Variants in HDDC2 observed in about 807,000 individuals in gnomAD.
HDDC2 encodes the protein 5'-deoxynucleotidase HDDC2.
A neutral mutation model predicts 25.5 loss-of-function variants in HDDC2; 25 were observed. The ratio of observed to expected loss-of-function variants is 0.98; its 90% CI spans 0.72 to 1.37. The LOEUF (loss-of-function observed/expected upper bound fraction) is 1.37. Among genes scored for constraint, HDDC2 ranks in the 40% most tolerant of loss-of-function variants. HDDC2 has a pLI of 0.00. For missense variants in HDDC2, 264 were observed against 253.1 expected, an observed-to-expected ratio of 1.04 and a Z score of -0.29; for synonymous variants, 106 against 89.7, an observed-to-expected ratio of 1.18 and a Z score of -1.03.
At position 125,296,770 on chromosome 6, in the gene HDDC2, C is replaced by G. The variant is rs376341390; in HGVS notation, c.309+1944G>C. 1.7e-4 allele frequency among the ~76,000 whole-genome samples: 26 copies of G among 152,288 alleles called. No homozygotes were observed. In the East Asian group the frequency reaches 4.6e-3, roughly 27 times the overall value. On this transcript the variant is annotated intron_variant, in intron 3 of 5. Coordinates refer to ENST00000398153, the MANE Select transcript of HDDC2 (RefSeq NM_016063.3). The stretch of plus-strand genomic sequence containing the variant: ...TTCATCAAAGCCAGGATATAGCATC[C>G]TAGAAGGCAGCAGTATCCTCTCTGA...
At chr6:125,301,800 C>G (rs1298121808) in intron 1 of HDDC2, 49 bp downstream of exon 1, 1 of 1,411,920 alleles carries the variant, frequency 7.1e-7, no homozygotes, top group East Asian at 2.6e-5. Context: ...TCCGCCGCCC[C>G]ACAGTCCCGC....
At chr6:125,289,021 C>A (rs192670457) in intron 4 of HDDC2, among the ~76,000 whole-genome samples, 2,507 of 99,536 alleles carry the variant, frequency 0.025, 9 homozygotes, top group Middle Eastern at 0.044. Flanking sequence ...GCTATAAAGA[C>A]ACATGCACAC....
At chr6:125,301,482 G>GCACACACACGCGCACA (rs1412473241) in intron 1 of HDDC2, among the ~76,000 whole-genome samples, 2,115 of 120,372 alleles carry the variant, frequency 0.018, 81 homozygotes, top group African/African-American at 0.067. Flanking sequence ...GGGGTCGTGA[G>GCACACACACGCGCACA]CACACACACA....
intron 4 of HDDC2, among the ~76,000 whole-genome samples, chr6:125,285,379 A>G (rs1294874183): frequency 6.6e-6 from 1 of 152,214 alleles, no homozygotes; most frequent in Non-Finnish European, 1.5e-5. Flanking sequence ...TGTAAGATAA[A>G]AGGTTGTTTT....
At chr6:125,301,668 C>T (rs971280713) in intron 1 of HDDC2, among the ~76,000 whole-genome samples, 181 bp downstream of exon 1, 11 of 152,206 alleles carry the variant, frequency 7.2e-5, no homozygotes, top group Non-Finnish European at 4.4e-5. Flanking sequence ...CCGGCTGCTT[C>T]CTCCGTCCAC....
intron 4 of HDDC2, among the ~76,000 whole-genome samples, chr6:125,279,828 G>C (rs1308524703): frequency 6.6e-6 from 1 of 152,078 alleles, no homozygotes; most frequent in African/African-American, 2.4e-5. Context: ...CATCTCACAG[G>C]CAATTTGTGT....
rs542333174 is a variant in HDDC2 at position 125,283,176 on chromosome 6, A to G, written c.379-5936T>C. Among the ~76,000 whole-genome samples the G allele has an allele frequency of 1.4e-4, 22 of 152,348 alleles. No individual in the cohort carries two copies. The South Asian group carries it at 4.6e-3, about 32-fold the overall frequency. On this transcript the variant is annotated intron_variant, in intron 4 of 5. Transcript: ENST00000398153. ...TGATGGAACATATCTCAAAATAATAAGAGCTATTTATGACAAACCCACAGC... is the reference window on the plus strand; with the variant it reads ...TGATGGAACATATCTCAAAATAATAGGAGCTATTTATGACAAACCCACAGC...
chr6:125,294,845 A>T (rs1447837319), intron 3 of HDDC2, among the ~76,000 whole-genome samples: 1 of 152,170 alleles, frequency 6.6e-6, no homozygotes, highest in Non-Finnish European at 1.5e-5. Flanking sequence ...CTTTTTGGTG[A>T]TCACATCCAA....
chr6:125,293,890 C>T (rs1412882361), intron 3 of HDDC2, among the ~76,000 whole-genome samples: 3 of 152,136 alleles, frequency 2.0e-5, no homozygotes, highest in Non-Finnish European at 2.9e-5. Flanking sequence ...CAAGGAGAAG[C>T]GTTGAGAGTT....
chr6:125,277,423 G>A lies in HDDC2; in HGVS notation c.379-183C>T, dbSNP rs1469082643. ...CTGTAATTTCACAGCCTAACACCAG[G>A]ACTCTATACAAGAAAGATGTGCTCT... On this transcript the variant is annotated intron_variant, in intron 4 of 5. Transcript: ENST00000398153. 89 of 566,046 alleles carry A rather than the reference G, an allele frequency of 1.6e-4. No individual in the cohort carries two copies. The South Asian group carries it at 1.7e-3, about 10-fold the overall frequency. 35.1% of individuals were successfully genotyped at this position (566,046 alleles called of 1,614,324 possible).
Position 125,276,228 on chromosome 6 carries a change from G to A in HDDC2, c.533C>T (p.Pro178Leu). 1 of 1,613,888 alleles carries A rather than the reference G, an allele frequency of 6.2e-7. No homozygotes were observed. Among genetic ancestry groups the A allele is most frequent in the Non-Finnish European group, 8.5e-7 (1 of 1,179,790 alleles). ...YDSTAGKFNH[P>L]EIVQLVSELE... is the part of the protein sequence containing the mutation. The stretch of plus-strand genomic sequence containing the variant: ...TTCAGAAACAAGCTGGACTATCTCA[G>A]GGTGATTGAATTTTCCTGCAAAGCA... Residue 178 changes from proline (P) to leucine (L), a missense_variant, in exon 6 of 6, where the codon CCT becomes CTT. Pro to Leu is a moderately conservative substitution (Grantham distance 98, BLOSUM62 -3). Coordinates refer to ENST00000398153, the MANE Select transcript of HDDC2 (RefSeq NM_016063.3).
In HDDC2 at chr6:125,276,057, G is replaced by A. The variant is rs916771155; in HGVS notation, c.*89C>T. 2.3e-5 allele frequency: 22 copies of A among 949,126 alleles called. No homozygotes were observed. In the African/African-American group the frequency reaches 2.6e-4, roughly 11 times the overall value. 58.8% of individuals were successfully genotyped at this position (949,126 alleles called of 1,614,324 possible). On this transcript the variant is annotated 3_prime_UTR_variant, in exon 6 of 6. Coordinates refer to ENST00000398153, the MANE Select transcript of HDDC2 (RefSeq NM_016063.3). ...GAAAACAAACAGACTCACATCTAGGGAAATCAACAGACCAACAATGGCAAA... is the reference window on the plus strand; with the variant it reads ...GAAAACAAACAGACTCACATCTAGGAAAATCAACAGACCAACAATGGCAAA...
chr6:125,289,796 G>C (rs1486852993), intron 4 of HDDC2, among the ~76,000 whole-genome samples: 1 of 152,238 alleles, frequency 6.6e-6, no homozygotes, highest in Non-Finnish European at 1.5e-5. Context: ...CTTGGGGTTA[G>C]AAACAATCCA....
At chr6:125,287,779 ACAGC>A (rs147368611) in intron 4 of HDDC2, among the ~76,000 whole-genome samples, 2,922 of 152,312 alleles carry the variant, frequency 0.019, 87 homozygotes, top group African/African-American at 0.067. Context: ...GAAAAAAGAA[ACAGC>A]CAGAAAGGCT....
chr6:125,298,575 T>C (rs1041151574), intron 3 of HDDC2, 139 bp downstream of exon 3: 5 of 657,394 alleles, frequency 7.6e-6, no homozygotes, highest in Non-Finnish European at 1.4e-5. Context: ...TATCTTCCCC[T>C]GACCTTCCCC....
At chr6:125,298,665 C>T in intron 3 of HDDC2, 49 bp downstream of exon 3, 1 of 1,389,156 alleles carries the variant, frequency 7.2e-7, no homozygotes, top group Non-Finnish European at 1.0e-6. Context: ...TTTGCTTCAG[C>T]AAGAGGTTTT....
At chr6:125,285,125 G>A (rs1219872049) in intron 4 of HDDC2, among the ~76,000 whole-genome samples, 5 of 150,112 alleles carry the variant, frequency 3.3e-5, no homozygotes, top group East Asian at 3.9e-4. Context: ...GAGAACATAC[G>A]GGCACAGGGA....
At chr6:125,285,433 A>G (rs1798519105) in intron 4 of HDDC2, among the ~76,000 whole-genome samples, 1 of 152,198 alleles carries the variant, frequency 6.6e-6, no homozygotes, top group Admixed American at 6.5e-5. Context: ...AAGGAACACA[A>G]GGGTAATTAA....
chr6:125,277,120 A>G lies in HDDC2; in HGVS notation c.499T>C (p.Phe167Leu), dbSNP rs1427229338. 3.7e-6 allele frequency: 6 copies of G among 1,613,974 alleles called. No individual in the cohort carries two copies. The East Asian group carries it at 1.3e-4, about 36-fold the overall frequency. ...TGAGTACCTGCTGTGGAATCATAGA[A>G]GTCTTGCAGTCTCCCAGGTTTGTGT... ...LEHKPGRLQD[F>L]YDSTAGKFNH... Residue 167 changes from phenylalanine (F) to leucine (L), a missense_variant, in exon 5 of 6, where the codon TTC becomes CTC. By Grantham distance (22) the Phe-to-Leu change is conservative. Transcript: ENST00000398153.
Sources: allele counts gnomAD v4.1 joint callset (sites outside exome capture counted in the v4.1 genomes callset), GRCh38; gene constraint gnomAD v4.1.1; transcripts MANE v1.5; gene names NCBI Gene and HGNC (gene_info 2026-07-23, HGNC 2026-07-21).